The following SWT1 variants were observed in gnomAD, a reference collection of about 807,000 sequenced individuals.
The protein encoded by SWT1 is transcriptional protein SWT1.
Under a neutral mutation model 107.3 loss-of-function variants are expected in SWT1, and 33 were observed. The observed-to-expected ratio is 0.31, with a 90% CI of 0.23 to 0.41. The LOEUF is 0.41. Ranked by LOEUF, SWT1 falls within the 10% of genes least tolerant of loss-of-function variation. The probability of loss-of-function intolerance (pLI) is 1.00; values close to 1 mark genes in which losing one functional copy is unlikely to be tolerated. For missense variants in SWT1, 898 were observed against 1,028.9 expected (o/e 0.87, Z 1.74); for synonymous variants, 345 against 348.3 (o/e 0.99, Z 0.11).
At chr1:185,186,681 A>C (rs1031883103) in intron 9 of SWT1, among the ~76,000 whole-genome samples, 1 of 152,086 alleles carries the variant, frequency 6.6e-6, no homozygotes, top group Admixed American at 6.6e-5. Context: ...TGATGAATAG[A>C]GGTGATATTT....
At chr1:185,240,067 C>T (rs1661159351) in intron 16 of SWT1, among the ~76,000 whole-genome samples, 1 of 152,096 alleles carries the variant, frequency 6.6e-6, no homozygotes, top group East Asian at 1.9e-4. Context: ...ATATTCAAAG[C>T]AACAATACAA....
chr1:185,206,294 T>G (rs1189595320), intron 12 of SWT1, among the ~76,000 whole-genome samples: 1 of 152,166 alleles, frequency 6.6e-6, no homozygotes, highest in Non-Finnish European at 1.5e-5. Context: ...ATGAAATAAT[T>G]AGATTAATTT....
intron 14 of SWT1, among the ~76,000 whole-genome samples, chr1:185,218,380 A>G (rs531777583): frequency 1.3e-5 from 2 of 152,244 alleles, no homozygotes; most frequent in South Asian, 2.1e-4. Context: ...ATCATAGCTC[A>G]TAGCTCTCTG....
At chr1:185,289,639 G>T (rs1380341320) in intron 18 of SWT1, among the ~76,000 whole-genome samples, 1 of 152,100 alleles carries the variant, frequency 6.6e-6, no homozygotes, top group African/African-American at 2.4e-5. Context: ...TGGATAAAGA[G>T]AATGTGGGAT....
At chr1:185,276,708 A>G (rs778923724) in intron 18 of SWT1, 40 bp downstream of exon 18, 4 of 1,177,186 alleles carry the variant, frequency 3.4e-6, no homozygotes, top group Admixed American at 2.1e-5. Flanking sequence ...CATTGTAACA[A>G]GCTTTTCCAT....
intron 15 of SWT1, among the ~76,000 whole-genome samples, chr1:185,222,643 T>C (rs1468104138): frequency 1.3e-5 from 2 of 151,362 alleles, no homozygotes; most frequent in Non-Finnish European, 2.9e-5. Flanking sequence ...CGTGTACCTG[T>C]CATCCCAGCT....
Position 185,174,484 on chromosome 1 carries a change from CAG to C in SWT1, c.340_341del (p.Pro115PhefsTer6), listed in dbSNP as rs985715746. 6.2e-7 allele frequency: 1 copy of C among 1,610,752 alleles called. No homozygotes were observed. Among genetic ancestry groups the C allele is most frequent in the African/African-American group, 1.3e-5 (1 of 74,768 alleles). On this transcript the variant is annotated frameshift_variant, in exon 5 of 19. Coordinates refer to ENST00000367500, the MANE Select transcript of SWT1 (RefSeq NM_017673.7). LOFTEE classifies it high-confidence loss of function. Reference protein sequence around the residue: ...SYSNDNQIILQSPSSNGTKKD... With the variant: ...SYSNDNQIILXSPSSNGTKKD... ...TTCAAATGATAATCAAATTATTTTG[CAG>C]AGTCCTTCTTCAAATGGAACTAAAA...
chr1:185,287,341 G>C (rs925853238), intron 18 of SWT1, among the ~76,000 whole-genome samples: 1 of 152,094 alleles, frequency 6.6e-6, no homozygotes, highest in Non-Finnish European at 1.5e-5. Context: ...CTGTTATTTT[G>C]CAGAATCTCA....
intron 16 of SWT1, among the ~76,000 whole-genome samples, chr1:185,247,325 A>G (rs1016280100): frequency 6.6e-6 from 1 of 152,178 alleles, no homozygotes; most frequent in Non-Finnish European, 1.5e-5. Context: ...GCACAATTTC[A>G]GAAGGGATAA....
chr1:185,207,373 G>C (rs549402520), intron 13 of SWT1, among the ~76,000 whole-genome samples: 1 of 152,282 alleles, frequency 6.6e-6, no homozygotes, highest in African/African-American at 2.4e-5. Context: ...GATTGAAGGG[G>C]GAGCCCAGTA....
chr1:185,258,213 T>A (rs1662760015), intron 16 of SWT1, among the ~76,000 whole-genome samples: 1 of 152,196 alleles, frequency 6.6e-6, no homozygotes. Context: ...GTCTGAAGTG[T>A]CAGTATTATT....
In SWT1 at chr1:185,174,584, A is replaced by G. The variant is rs776662747; in HGVS notation, c.437A>G (p.His146Arg). The change falls in exon 5 of 19, where the codon CAT becomes CGT. Residue 146 changes from histidine to arginine, a missense_variant. By Grantham distance (29) the His-to-Arg change is conservative (BLOSUM62 0). Transcript: ENST00000367500. Reference protein sequence around the residue: ...KLTNAGSKLDHGIKSLSSPKI... With the variant: ...KLTNAGSKLDRGIKSLSSPKI... ...ACAAATGCTGGGAGCAAGCTTGACC[A>G]TGGAATTAAAAGCCTTAGTAGTCCT... 8 of 1,608,084 alleles carry G rather than the reference A, an allele frequency of 5.0e-6. No individual in the cohort carries two copies. Among genetic ancestry groups the G allele is most frequent in the Middle Eastern group, 1.7e-4 (1 of 6,006 alleles).
intron 10 of SWT1, among the ~76,000 whole-genome samples, chr1:185,200,117 G>A (rs537319374): frequency 1.1e-4 from 16 of 151,750 alleles, no homozygotes; most frequent in African/African-American, 3.4e-4. Flanking sequence ...CTTTTTCTCC[G>A]AATTGGTTAT....
At chr1:185,187,477 C>G (rs1035783289) in intron 9 of SWT1, among the ~76,000 whole-genome samples, 9 of 152,010 alleles carry the variant, frequency 5.9e-5, no homozygotes, top group Admixed American at 1.3e-4. Context: ...TTTATTGATT[C>G]ATTTGTTTGC....
chr1:185,273,230 C>G (rs564424587), intron 17 of SWT1, among the ~76,000 whole-genome samples: 2 of 152,206 alleles, frequency 1.3e-5, no homozygotes, highest in East Asian at 3.9e-4. Context: ...CATGATGAAA[C>G]CCCATCTCTA....
chr1:185,158,555 A>G (rs1447434685), intron 1 of SWT1, among the ~76,000 whole-genome samples: 1 of 150,008 alleles, frequency 6.7e-6, no homozygotes, highest in Non-Finnish European at 1.5e-5. Flanking sequence ...TTATTTCTAA[A>G]TGACTAGATG....
At chr1:185,269,711 T>A (rs2102726763) in intron 16 of SWT1, among the ~76,000 whole-genome samples, 1 of 152,342 alleles carries the variant, frequency 6.6e-6, no homozygotes, top group East Asian at 1.9e-4. Context: ...CGAAGTGGCT[T>A]GATTTCTCAT....
intron 16 of SWT1, chr1:185,263,812 T>TA (rs1269877982): frequency 6.6e-6 from 1 of 152,224 alleles, no homozygotes; most frequent in Non-Finnish European, 1.5e-5. Flanking sequence ...CAGAAGATTG[T>TA]ATTAGGGCCC....
Position 185,286,563 on chromosome 1 carries a change from C to T in SWT1, c.2574-4111C>T, listed in dbSNP as rs138379488. Among the ~76,000 whole-genome samples, 1,314 of 152,094 alleles carry T rather than the reference C, an allele frequency of 8.6e-3. 12 individuals are homozygous for T. The highest frequency in any genetic ancestry group is 0.031 in the South Asian group (150 of 4,824). ...ATACCTCTTTGATTAAATTGATTCC[C>T]GAGTATTTTATTATTTTTGATGCTA... On this transcript the variant is annotated intron_variant, in intron 18 of 18. Transcript: ENST00000367500.
Sources: gnomAD v4.1 joint callset for allele counts (sites outside exome capture counted in the v4.1 genomes callset) on GRCh38, gnomAD v4.1.1 for gene constraint, MANE v1.5 for transcripts, NCBI Gene and HGNC (gene_info 2026-07-23, HGNC 2026-07-21) for gene names.